Variants in COG5 observed in about 807,000 individuals in gnomAD.
COG5 encodes conserved oligomeric Golgi complex subunit 5.
Under a neutral mutation model 110.4 loss-of-function variants are expected in COG5, and 86 were observed. The ratio of observed to expected loss-of-function variants is 0.78; its 90% CI spans 0.65 to 0.93. The LOEUF (loss-of-function observed/expected upper bound fraction) is 0.93, where lower values mean the gene tolerates loss of function less well. Ranked by LOEUF, COG5 falls within the 40% of genes least tolerant of loss-of-function variation. The probability of loss-of-function intolerance (pLI) is 0.00; values close to 1 mark genes in which losing one functional copy is unlikely to be tolerated. For missense variants in COG5, 1,077 were observed against 987.0 expected (o/e 1.09, Z -1.22); for synonymous variants, 360 against 334.6 (o/e 1.08, Z -0.83).
At chr7:107,502,080 T>TA (rs1191375081) in intron 6 of COG5, among the ~76,000 whole-genome samples, 5 of 152,174 alleles carry the variant, frequency 3.3e-5, no homozygotes, top group African/African-American at 1.2e-4. Context: ...ATAAATTATT[T>TA]AGTGATGAAT....
chr7:107,557,756 G>C (rs1376994917), intron 2 of COG5, among the ~76,000 whole-genome samples: 1 of 152,172 alleles, frequency 6.6e-6, no homozygotes, highest in African/African-American at 2.4e-5. Flanking sequence ...TGGTGAACAG[G>C]AAGTATGAAT....
chr7:107,248,407 T>G lies in COG5; in HGVS notation c.1842A>C (p.Glu614Asp), dbSNP rs772330572. ...TTAGAAGTAATTACCCAGAAAAGTC[T>G]TCTTGATGCATGGTGATGATTATGG... is the stretch of plus-strand genomic sequence containing the variant. ...IEAIIITMHQ[E>D]DFSGSLSSSG... is the part of the protein sequence containing the mutation. Residue 614 changes from glutamate (E) to aspartate (D), a missense_variant, in exon 17 of 22, where the codon GAA (glutamate) becomes GAC (aspartate). Physicochemically the swap from Glu to Asp is conservative, Grantham distance 45 (BLOSUM62 2). Transcript: ENST00000297135. 8.1e-6 allele frequency: 13 copies of G among 1,607,504 alleles called. No homozygotes were observed. In the Admixed American group the frequency reaches 1.5e-4, roughly 19 times the overall value.
chr7:107,244,476 G>C (rs1801893362), intron 17 of COG5, among the ~76,000 whole-genome samples: 2 of 152,232 alleles, frequency 1.3e-5, no homozygotes, highest in South Asian at 4.1e-4. Context: ...ACAGAAATCA[G>C]AGCTGAACTG....
intron 11 of COG5, among the ~76,000 whole-genome samples, chr7:107,300,981 A>G (rs553471195): frequency 4.1e-4 from 63 of 152,284 alleles, no homozygotes; most frequent in African/African-American, 1.4e-3. Flanking sequence ...AATAGAGAGT[A>G]CAAAAATAGA....
intron 10 of COG5, among the ~76,000 whole-genome samples, chr7:107,337,307 TA>T (rs1810786941): frequency 1.3e-5 from 2 of 152,266 alleles, no homozygotes; most frequent in Non-Finnish European, 2.9e-5. Flanking sequence ...GGTATTTATC[TA>T]AAGAAAAGGA....
intron 10 of COG5, among the ~76,000 whole-genome samples, chr7:107,360,981 G>A (rs1039438912): frequency 4.6e-5 from 7 of 152,340 alleles, no homozygotes; most frequent in Non-Finnish European, 1.0e-4. Context: ...ATCCTGTGAC[G>A]CTGGGTCCTA....
At chr7:107,249,424 A>G (rs1344793917) in intron 16 of COG5, among the ~76,000 whole-genome samples, 1 of 152,166 alleles carries the variant, frequency 6.6e-6, no homozygotes, top group Non-Finnish European at 1.5e-5. Flanking sequence ...ACAGGGAGGT[A>G]TAAATCATCA....
At chr7:107,371,968 G>A (rs1402366660) in intron 8 of COG5, among the ~76,000 whole-genome samples, 1 of 152,256 alleles carries the variant, frequency 6.6e-6, no homozygotes, top group African/African-American at 2.4e-5. Context: ...ATAATCTGTG[G>A]TCTTTTCTAT....
intron 7 of COG5, among the ~76,000 whole-genome samples, chr7:107,404,253 T>C (rs1791647086): frequency 6.6e-6 from 1 of 152,184 alleles, no homozygotes. Context: ...ATCAAATTAA[T>C]GTCAGAAATT....
intron 6 of COG5, among the ~76,000 whole-genome samples, chr7:107,504,677 G>C (rs1178610029): frequency 6.6e-6 from 1 of 151,982 alleles, no homozygotes; most frequent in East Asian, 1.9e-4. Context: ...TAATCTTGCT[G>C]CTTGTTATTG....
intron 6 of COG5, among the ~76,000 whole-genome samples, chr7:107,476,140 T>C (rs1796965102): frequency 7.3e-6 from 1 of 137,544 alleles, no homozygotes; most frequent in Admixed American, 7.8e-5. Context: ...TCACTTTGCT[T>C]AAGTCTAAGC....
chr7:107,396,083 T>A (rs1163581699), intron 7 of COG5, among the ~76,000 whole-genome samples: 1 of 152,216 alleles, frequency 6.6e-6, no homozygotes, highest in Admixed American at 6.5e-5. Flanking sequence ...GCTTATAATA[T>A]CTGTGTGCAT....
intron 16 of COG5, among the ~76,000 whole-genome samples, chr7:107,249,479 G>C: frequency 6.6e-6 from 1 of 152,068 alleles, no homozygotes. Flanking sequence ...GGCTTTTAGT[G>C]TGAAAATAAT....
At chr7:107,205,895 G>C (rs1798735402) in intron 21 of COG5, among the ~76,000 whole-genome samples, 2 of 152,134 alleles carry the variant, frequency 1.3e-5, no homozygotes, top group East Asian at 1.9e-4. Flanking sequence ...GTCAGGGCAG[G>C]AGTACTTTAA....
intron 6 of COG5, among the ~76,000 whole-genome samples, chr7:107,489,993 A>T (rs1168391663): frequency 1.3e-5 from 2 of 152,206 alleles, no homozygotes; most frequent in Admixed American, 1.3e-4. Flanking sequence ...CAATCAATGG[A>T]AACTTTTATC....
chr7:107,348,938 T>C (rs1180536387), intron 10 of COG5, among the ~76,000 whole-genome samples: 2 of 152,088 alleles, frequency 1.3e-5, no homozygotes, highest in East Asian at 3.9e-4. Context: ...TATAGCCCAC[T>C]GCAGACTCGA....
chr7:107,416,446 A>T (rs1446849638), intron 6 of COG5, among the ~76,000 whole-genome samples: 1 of 152,154 alleles, frequency 6.6e-6, no homozygotes, highest in East Asian at 1.9e-4. Context: ...AGACTAAATG[A>T]TATATTATTT....
intron 11 of COG5, among the ~76,000 whole-genome samples, chr7:107,311,959 C>T (rs1272031667): frequency 1.3e-5 from 2 of 151,940 alleles, no homozygotes; most frequent in African/African-American, 4.8e-5. Flanking sequence ...TGAATGGTTT[C>T]ATATTTCATA....
Position 107,265,094 on chromosome 7 carries a change from C to T in COG5, c.1576-6711G>A. Among the ~76,000 whole-genome samples, 2 of 152,108 alleles carry T rather than the reference C, an allele frequency of 1.3e-5. 1 individual carries two copies. Among genetic ancestry groups the T allele is most frequent in the South Asian group, 4.2e-4 (2 of 4,806 alleles). ...TAGAATATACTTAGAAATTGTTATA[C>T]AATATAATTTCATAAATTATAAACA... On this transcript the variant is annotated intron_variant, in intron 14 of 21. Transcript: ENST00000297135.
Sources: allele counts gnomAD v4.1 joint callset (sites outside exome capture counted in the v4.1 genomes callset), GRCh38; gene constraint gnomAD v4.1.1; transcripts MANE v1.5; gene names NCBI Gene and HGNC (gene_info 2026-07-23, HGNC 2026-07-21).